Variants in ADAD2 observed in about 807,000 individuals in gnomAD.
ADAD2 encodes adenosine deaminase domain-containing protein 2.
Under a neutral mutation model 54.5 loss-of-function variants are expected in ADAD2, and 60 were observed. The observed-to-expected ratio is 1.10, with a 90% confidence interval of 0.89 to 1.36. ADAD2 has a LOEUF of 1.36. Ranked by LOEUF, ADAD2 falls within the 40% of genes most tolerant of loss-of-function variation. ADAD2 has a pLI of 0.00. For synonymous variants in ADAD2, 543 were observed against 366.2 expected (o/e 1.48, Z -5.51); for missense variants, 1,103 against 801.3 (o/e 1.38, Z -4.54).
Position 84,195,613 on chromosome 16 carries a change from C to G in ADAD2, c.968C>G (p.Pro323Arg). The G allele has an allele frequency of 6.2e-7, 1 of 1,605,428 alleles. No homozygotes were observed. The highest frequency in any genetic ancestry group is 8.5e-7 in the Non-Finnish European group (1 of 1,176,224). ...EQSVLAPQPG[P>R]GPPFTLKPRV... Reference sequence around the variant, plus strand: ...TCCGTGCTGGCCCCCCAGCCAGGGCCCGGACCCCCATTCACCCTCAAGCCC... The same window carrying G: ...TCCGTGCTGGCCCCCCAGCCAGGGCGCGGACCCCCATTCACCCTCAAGCCC... The change falls in exon 6 of 10, where the codon CCC becomes CGC. Residue 323 changes from proline to arginine, a missense_variant. Physicochemically the swap from Pro to Arg is moderately radical, Grantham distance 103. Coordinates refer to ENST00000315906, the MANE Select transcript of ADAD2 (RefSeq NM_001145400.2).
chr16:84,195,342 G>A lies in ADAD2; in HGVS notation c.780G>A (p.Val260=), dbSNP rs1397961340. Residue 260 remains valine (V), a synonymous_variant, in exon 5 of 10, where the codon GTG becomes GTA. Coordinates refer to ENST00000315906, the MANE Select transcript of ADAD2 (RefSeq NM_001145400.2). ...ACGTGAAGGAGATCTACAAGCTGGT[G>A]GCTCTGGGCACCGGCAGCAGCTGCT... ...RGHVKEIYKL[V]ALGTGSSCCA... is the part of the protein sequence containing the mutation. 3 of 1,610,478 alleles carry A rather than the reference G, an allele frequency of 1.9e-6. No homozygotes were observed. The African/African-American group carries it at 4.0e-5, about 21-fold the overall frequency.
intron 4 of ADAD2, 41 bp downstream of exon 4, chr16:84,195,235 G>GGGAAGGGCCCCCTC (rs1377472547): frequency 6.2e-7 from 1 of 1,610,242 alleles, no homozygotes; most frequent in African/African-American, 1.3e-5. Context: ...CCGGCCCCCT[G>GGGAAGGGCCCCCTC]GGAAGGGCCC....
chr16:84,194,247 G>T (rs1484476845), intron 1 of ADAD2, 195 bp from the exon 2 acceptor site: 1 of 1,554,500 alleles, frequency 6.4e-7, no homozygotes, highest in Non-Finnish European at 8.7e-7. Context: ...AATCAGCGAT[G>T]GGTCACAGCC....
intron 1 of ADAD2, chr16:84,192,467 G>C (rs78505507): frequency 6.6e-6 from 1 of 152,340 alleles, no homozygotes; most frequent in African/African-American, 2.4e-5. Context: ...TAATTTAAAA[G>C]TTAATTGCAG....
intron 1 of ADAD2, chr16:84,192,966 T>G (rs955731157): frequency 2.0e-5 from 3 of 152,008 alleles, no homozygotes; most frequent in African/African-American, 7.3e-5. Context: ...CGCCTCAGCC[T>G]CCCGAGTAGC....
chr16:84,195,845 G>A lies in ADAD2; in HGVS notation c.1083G>A (p.Pro361=), dbSNP rs754051500. 1.2e-5 allele frequency: 20 copies of A among 1,606,578 alleles called. No individual in the cohort carries two copies. Among genetic ancestry groups the A allele is most frequent in the Admixed American group, 1.7e-5 (1 of 59,754 alleles). Reference sequence around the variant, plus strand: ...CCCCCACCTCGGAAGGTGGCCTCCCGCACAGCCCACCCATGCGCCTGCAGG... The same window carrying A: ...CCCCCACCTCGGAAGGTGGCCTCCCACACAGCCCACCCATGCGCCTGCAGG... ...YLPPTSEGGL[P]HSPPMRLQAH... The change falls in exon 7 of 10, where the codon CCG becomes CCA. Residue 361 remains proline, a synonymous_variant. Coordinates refer to ENST00000315906, the MANE Select transcript of ADAD2 (RefSeq NM_001145400.2).
rs753678549 is a variant in ADAD2, at chr16:84,195,554, G to A, written c.909G>A (p.Leu303=). 3.1e-6 allele frequency: 5 copies of A among 1,598,292 alleles called. No homozygotes were observed. The African/African-American group carries it at 4.0e-5, about 13-fold the overall frequency. The change falls in exon 6 of 10, where the codon CTG becomes CTA. Residue 303 remains leucine, a synonymous_variant. Coordinates refer to ENST00000315906, the MANE Select transcript of ADAD2 (RefSeq NM_001145400.2). The stretch of plus-strand genomic sequence containing the variant: ...GGTTCTTGTTCCGGCAGCTCCTGCT[G>A]GCCACACAGGGGGGCCCCAAGGGCA... The part of the protein sequence containing the change: ...LLRFLFRQLL[L]ATQGGPKGKE...
In ADAD2 at chr16:84,195,210, G is replaced by T. The variant is rs2151327899; in HGVS notation, c.733+16G>T. On this transcript the variant is annotated intron_variant, in intron 4 of 9. Coordinates refer to ENST00000315906, the MANE Select transcript of ADAD2 (RefSeq NM_001145400.2). ...CTGGAGAGGGGTAGGGATCGCCCCA[G>T]CCCTGGCCCTGGCCCCGGCCCCCTG... 1.2e-6 allele frequency: 2 copies of T among 1,610,896 alleles called. No homozygotes were observed. The highest frequency in any genetic ancestry group is 3.3e-5 in the Admixed American group (2 of 59,882).
Position 84,195,319 on chromosome 16 carries a change from G to A in ADAD2, c.757G>A (p.Val253Met), listed in dbSNP as rs376833158. The change falls in exon 5 of 10, where the codon GTG becomes ATG. Residue 253 changes from valine to methionine, a missense_variant. By Grantham distance (21) the Val-to-Met change is conservative (BLOSUM62 1). Coordinates refer to ENST00000315906, the MANE Select transcript of ADAD2 (RefSeq NM_001145400.2). ...EREIPRARGH[V>M]KEIYKLVALG... ...AGAGATCCCGCGTGCCAGGGGCCAC[G>A]TGAAGGAGATCTACAAGCTGGTGGC... 7.6e-5 allele frequency: 123 copies of A among 1,610,510 alleles called. No homozygotes were observed. The highest frequency in any genetic ancestry group is 5.8e-5 in the Non-Finnish European group (69 of 1,179,702).
In ADAD2 at chr16:84,196,990, G is replaced by C; in HGVS notation, c.*16G>C. 1.3e-6 allele frequency: 2 copies of C among 1,576,484 alleles called. No homozygotes were observed. The highest frequency in any genetic ancestry group is 1.7e-6 in the Non-Finnish European group (2 of 1,161,994). The stretch of plus-strand genomic sequence containing the variant: ...CAGAAACTGAAGCCAGCCTCGGCGG[G>C]ACCGAGGTCCCGGAGCCAAGCTGTA... On this transcript the variant is annotated 3_prime_UTR_variant, in exon 10 of 10. Coordinates refer to ENST00000315906, the MANE Select transcript of ADAD2 (RefSeq NM_001145400.2).
rs1053516801 is a variant in ADAD2, at chr16:84,191,533, A to T, written c.303A>T (p.Pro101=). The T allele has an allele frequency of 6.5e-7, 1 of 1,547,112 alleles. No individual in the cohort carries two copies. The highest frequency in any genetic ancestry group is 1.4e-5 in the African/African-American group (1 of 73,002). ...MGKAPRVPVP[P]AGLSLPLKDP... is the part of the protein sequence containing the mutation. ...AGGCCCCGAGGGTCCCTGTGCCCCC[A>T]GCAGGGCTCAGCCTGCCGCTCAAAG... The change falls in exon 1 of 10, where the codon CCA becomes CCT. Residue 101 remains proline (P), a synonymous_variant. Transcript: ENST00000315906.
chr16:84,192,622 C>T (rs1274326368), intron 1 of ADAD2: 1 of 152,154 alleles, frequency 6.6e-6, no homozygotes, highest in Non-Finnish European at 1.5e-5. Context: ...CCCACTGCAA[C>T]CTCTGCCTCC....
intron 1 of ADAD2, chr16:84,193,834 A>T (rs563298953): frequency 3.1e-6 from 2 of 652,962 alleles, no homozygotes; most frequent in Non-Finnish European, 5.1e-6. Context: ...GGAGTGCTGA[A>T]ATGGGTTCCC....
chr16:84,193,320 C>T (rs995887568), intron 1 of ADAD2: 2 of 152,210 alleles, frequency 1.3e-5, no homozygotes, highest in South Asian at 2.1e-4. Flanking sequence ...GCTGTCATGC[C>T]TCTTTAATCT....
At chr16:84,194,682 G>C (rs905573432) in intron 2 of ADAD2, 100 bp downstream of exon 2, 29 of 1,528,368 alleles carry the variant, frequency 1.9e-5, no homozygotes, top group Non-Finnish European at 2.6e-5. Flanking sequence ...CGTGTGAGCA[G>C]GAGGTGGGTT....
At position 84,196,895 on chromosome 16, in the gene ADAD2, G is replaced by T; in HGVS notation, c.1673G>T (p.Arg558Met). Residue 558 changes from arginine to methionine, a missense_variant, in exon 10 of 10, where the codon AGG becomes ATG. By Grantham distance (91) the Arg-to-Met change is moderately conservative. Coordinates refer to ENST00000315906, the MANE Select transcript of ADAD2 (RefSeq NM_001145400.2). ...GCTGGGCCCTACCAGGAGGCTCGCA[G>T]GCAGCTGTCTCTCCTCCTGGACCAG... The part of the protein sequence containing the change: ...AKAGPYQEAR[R>M]QLSLLLDQQG... The T allele has an allele frequency of 6.3e-7, 1 of 1,594,738 alleles. No individual in the cohort carries two copies.
In ADAD2 at chr16:84,196,661, C is replaced by T. The variant is rs762382204; in HGVS notation, c.1541C>T (p.Pro514Leu). 1.9e-6 allele frequency: 3 copies of T among 1,613,398 alleles called. No homozygotes were observed. Among genetic ancestry groups the T allele is most frequent in the African/African-American group, 1.3e-5 (1 of 74,926 alleles). ...TCTTCATCCAGTGCCGCCCTGGGGCCTCCCTCCCGTCTCTGCAAGGCCTCC... is the reference window on the plus strand; with the variant it reads ...TCTTCATCCAGTGCCGCCCTGGGGCTTCCCTCCCGTCTCTGCAAGGCCTCC... ...GRVKANAALG[P>L]PSRLCKASFL... is the part of the protein sequence containing the mutation. Residue 514 changes from proline (P) to leucine (L), a missense_variant, in exon 9 of 10, where the codon CCT (proline) becomes CTT (leucine). Coordinates refer to ENST00000315906, the MANE Select transcript of ADAD2 (RefSeq NM_001145400.2).
intron 1 of ADAD2, chr16:84,191,983 A>T: frequency 2.2e-6 from 1 of 451,004 alleles, no homozygotes; most frequent in Non-Finnish European, 4.1e-6. Context: ...TTGCCGTGCT[A>T]GCATTGGAGA....
chr16:84,195,977 G>A lies in ADAD2; in HGVS notation c.1215G>A (p.Val405=), dbSNP rs779786456. The A allele has an allele frequency of 1.8e-5, 29 of 1,599,020 alleles. No homozygotes were observed. Among genetic ancestry groups the A allele is most frequent in the Non-Finnish European group, 2.5e-5 (29 of 1,179,616 alleles). The part of the protein sequence containing the change: ...SASDKLARWA[V]LGLGGALLAH... Reference sequence around the variant, plus strand: ...GTGACAAGCTGGCACGCTGGGCCGTGCTGGGGCTGGGTGGTGCCCTGCTGG... The same window carrying A: ...GTGACAAGCTGGCACGCTGGGCCGTACTGGGGCTGGGTGGTGCCCTGCTGG... Residue 405 remains valine, a synonymous_variant, in exon 7 of 10, where the codon GTG becomes GTA. Coordinates refer to ENST00000315906, the MANE Select transcript of ADAD2 (RefSeq NM_001145400.2).
Sources: gnomAD v4.1 joint callset for allele counts on GRCh38, gnomAD v4.1.1 for gene constraint, MANE v1.5 for transcripts, NCBI Gene and HGNC (gene_info 2026-07-23, HGNC 2026-07-21) for gene names.